ANTXR1: variants seen among roughly 807,000 people sequenced by gnomAD.
ANTXR1 encodes the protein anthrax toxin receptor 1.
Under a neutral mutation model 78.1 loss-of-function variants are expected in ANTXR1, and 19 were observed. That is an observed-to-expected ratio of 0.24 (90% CI 0.17 to 0.36). ANTXR1 has a LOEUF of 0.36. Ranked by LOEUF, ANTXR1 falls within the 10% of genes least tolerant of loss-of-function variation. The pLI is 1.00. For missense variants in ANTXR1, 518 were observed against 718.6 expected (o/e 0.72, Z 3.19); for synonymous variants, 273 against 260.5 (o/e 1.05, Z -0.46).
At chr2:69,070,318 G>A (rs764799643) in intron 3 of ANTXR1, among the ~76,000 whole-genome samples, 25 of 152,314 alleles carry the variant, frequency 1.6e-4, no homozygotes, top group Middle Eastern at 3.4e-3. Flanking sequence ...TGCTGCCTAA[G>A]TTGCTGTGTG....
intron 17 of ANTXR1, among the ~76,000 whole-genome samples, chr2:69,231,329 T>C (rs991809587): frequency 6.6e-6 from 1 of 152,192 alleles, no homozygotes; most frequent in African/African-American, 2.4e-5. Context: ...CCTGGGGACC[T>C]TGGGTTCCAG....
chr2:69,213,836 T>G (rs1675110474), intron 17 of ANTXR1, among the ~76,000 whole-genome samples: 1 of 152,268 alleles, frequency 6.6e-6, no homozygotes, highest in South Asian at 2.1e-4. Flanking sequence ...AGGCCTGGGT[T>G]CCAGTCAACA....
chr2:69,041,091 A>G (rs1026767745), intron 2 of ANTXR1, among the ~76,000 whole-genome samples: 8 of 152,220 alleles, frequency 5.3e-5, no homozygotes, highest in Non-Finnish European at 1.2e-4. Context: ...AAGCTACAGC[A>G]GGAAGCATCT....
At position 69,013,920 on chromosome 2, in the gene ANTXR1, A is replaced by G. The variant is rs879751658; in HGVS notation, c.152+269A>G. Among the ~76,000 whole-genome samples, 3 of 152,202 alleles carry G rather than the reference A, an allele frequency of 2.0e-5. No individual in the cohort carries two copies. The highest frequency in any genetic ancestry group is 2.1e-4 in the South Asian group (1 of 4,838). ...GTCTTGCTTTCTGTGTCCCAGGAGCAGGCAAGGGGCTTGGAGGATGCTATT... is the reference window on the plus strand; with the variant it reads ...GTCTTGCTTTCTGTGTCCCAGGAGCGGGCAAGGGGCTTGGAGGATGCTATT... On this transcript the variant is annotated intron_variant, in intron 1 of 17. Transcript: ENST00000303714. This position sits in a 1 kb window ranked among gnomAD's most constrained non-coding sequence, Gnocchi z 5.0.
At chr2:69,030,147 C>T (rs1671488177) in intron 1 of ANTXR1, among the ~76,000 whole-genome samples, 1 of 152,098 alleles carries the variant, frequency 6.6e-6, no homozygotes, top group South Asian at 2.1e-4. Flanking sequence ...GTAAAATGCT[C>T]AGTCTTTCAA....
At chr2:69,200,873 A>G (rs1674758178) in intron 17 of ANTXR1, among the ~76,000 whole-genome samples, 1 of 152,208 alleles carries the variant, frequency 6.6e-6, no homozygotes, top group Admixed American at 6.5e-5. Context: ...CTCCATTTTA[A>G]AGAACAGAAA....
intron 12 of ANTXR1, among the ~76,000 whole-genome samples, chr2:69,132,914 C>G (rs1229194187): frequency 1.3e-5 from 2 of 152,218 alleles, no homozygotes; most frequent in Non-Finnish European, 2.9e-5. Flanking sequence ...GGATATATTA[C>G]TTAAAGAGGT....
chr2:69,076,704 A>C (rs1670743340), intron 7 of ANTXR1, among the ~76,000 whole-genome samples: 1 of 152,122 alleles, frequency 6.6e-6, no homozygotes, highest in Admixed American at 6.6e-5. Flanking sequence ...TTTTGTTTTA[A>C]CTCTCCTGGA....
intron 17 of ANTXR1, among the ~76,000 whole-genome samples, chr2:69,219,843 C>T (rs1004426212): frequency 1.3e-5 from 2 of 152,290 alleles, no homozygotes; most frequent in African/African-American, 4.8e-5. Flanking sequence ...TGCCCACAGA[C>T]TCCTCCACCA....
chr2:69,090,370 C>T (rs1403994100), intron 8 of ANTXR1, among the ~76,000 whole-genome samples: 7 of 152,046 alleles, frequency 4.6e-5, no homozygotes, highest in African/African-American at 1.7e-4. Context: ...CCCTAACCCA[C>T]TCCCTTTCAT....
chr2:69,151,230 C>T (rs1255783478), intron 12 of ANTXR1, among the ~76,000 whole-genome samples: 2 of 114,642 alleles, frequency 1.7e-5, no homozygotes, highest in Non-Finnish European at 3.2e-5. Context: ...CTCGCTCTGT[C>T]GCCCAGGCTG....
intron 10 of ANTXR1, among the ~76,000 whole-genome samples, chr2:69,118,339 G>GA (rs1302762802): frequency 1.3e-5 from 2 of 151,868 alleles, no homozygotes; most frequent in Non-Finnish European, 2.9e-5. Flanking sequence ...ACAAGGTAGG[G>GA]GGATCACTTA....
At chr2:69,181,930 T>C (rs1558627223) in intron 15 of ANTXR1, 49 bp downstream of exon 15, 1 of 1,590,312 alleles carries the variant, frequency 6.3e-7, no homozygotes, top group Admixed American at 1.7e-5. Flanking sequence ...ACTACTCCCA[T>C]CGAGGTACCA....
chr2:69,163,239 T>C (rs1673732021), intron 13 of ANTXR1, among the ~76,000 whole-genome samples: 3 of 152,072 alleles, frequency 2.0e-5, no homozygotes, highest in African/African-American at 7.2e-5. Context: ...TGACTCAGCG[T>C]CTTGTTATTC....
At chr2:69,158,539 C>A (rs1673590850) in intron 13 of ANTXR1, among the ~76,000 whole-genome samples, 1 of 152,200 alleles carries the variant, frequency 6.6e-6, no homozygotes, top group Non-Finnish European at 1.5e-5. Flanking sequence ...CAGTCCCCAA[C>A]TTATGGTGGT....
chr2:69,221,295 A>G (rs1438915756), intron 17 of ANTXR1, among the ~76,000 whole-genome samples: 1 of 152,206 alleles, frequency 6.6e-6, no homozygotes, highest in African/African-American at 2.4e-5. Context: ...TGCACCTAAA[A>G]TACAGTAAAA....
At position 69,215,122 on chromosome 2, in the gene ANTXR1, G is replaced by C. The variant is rs919028079; in HGVS notation, c.1434+21707G>C. On this transcript the variant is annotated intron_variant, in intron 17 of 17. Transcript: ENST00000303714. The stretch of plus-strand genomic sequence containing the variant: ...TGCACAGGCTGCCTCCACTTTCTCA[G>C]ACATGAGAACTCTGTATTCGCCATC... 2.0e-5 allele frequency among the ~76,000 whole-genome samples: 3 copies of C among 152,302 alleles called. No individual in the cohort carries two copies. The East Asian group carries it at 5.8e-4, about 29-fold the overall frequency.
rs184176081 is a variant in ANTXR1 at position 69,247,987 on chromosome 2, G to A, written c.*2502G>A. ...TAAACCGACTCAGTGTGTCATCCCC[G>A]GTTATTTAGAATTACAGTTAAGAAG... On this transcript the variant is annotated 3_prime_UTR_variant, in exon 18 of 18. Coordinates refer to ENST00000303714, the MANE Select transcript of ANTXR1 (RefSeq NM_032208.3). 99 of 158,112 alleles carry A rather than the reference G, an allele frequency of 6.3e-4. 1 individual carries two copies. Among genetic ancestry groups the A allele is most frequent in the Admixed American group, 1.7e-3 (26 of 15,298 alleles). 9.8% of individuals were successfully genotyped at this position (158,112 alleles called of 1,614,324 possible). A position where few individuals can be genotyped will look rare whatever the true frequency, so the allele number is the denominator to read the frequency against.
At chr2:69,142,769 G>A (rs1410257448) in intron 12 of ANTXR1, among the ~76,000 whole-genome samples, 2 of 152,194 alleles carry the variant, frequency 1.3e-5, no homozygotes, top group African/African-American at 4.8e-5. Context: ...TGACAGAAGA[G>A]CGAGGTATGT....
Sources: gnomAD v4.1 joint callset for allele counts (sites outside exome capture counted in the v4.1 genomes callset) on GRCh38, gnomAD v4.1.1 for gene constraint, Gnocchi (gnomAD v3.1) non-coding constraint, MANE v1.5 for transcripts, NCBI Gene and HGNC (gene_info 2026-07-23, HGNC 2026-07-21) for gene names.